Variants in SHOC2 observed in about 807,000 individuals in gnomAD.
SHOC2 encodes SHOC2 leucine rich repeat scaffold protein, also known as leucine-rich repeat protein SHOC-2.
A neutral mutation model predicts 50.2 loss-of-function variants in SHOC2; 4 were observed. The observed-to-expected ratio is 0.08, with a 90% CI of 0.04 to 0.18. SHOC2 has a LOEUF of 0.18. SHOC2 is among the 10% of genes least tolerant of loss of function. SHOC2 has a pLI of 1.00. For synonymous variants in SHOC2, 218 were observed against 244.5 expected (o/e 0.89, Z 1.01); for missense variants, 388 against 669.6 (o/e 0.58, Z 4.64).
At chr10:110,999,482 A>G (rs747113617) in intron 3 of SHOC2, among the ~76,000 whole-genome samples, 3 of 152,166 alleles carry the variant, frequency 2.0e-5, no homozygotes, top group Non-Finnish European at 4.4e-5. Flanking sequence ...TCACGTCTGT[A>G]ATCCCAGCAC....
chr10:110,927,996 G>A (rs763749571), intron 1 of SHOC2, among the ~76,000 whole-genome samples: 1 of 152,102 alleles, frequency 6.6e-6, no homozygotes, highest in South Asian at 2.1e-4. Context: ...AATACTTAAA[G>A]CTTTTAGTGA....
rs201795589 is a variant in SHOC2 at position 111,004,803 on chromosome 10, A to G, written c.1161+9A>G. 709 of 1,571,548 alleles carry G rather than the reference A, an allele frequency of 4.5e-4. 9 individuals are homozygous for G. In the South Asian group the frequency reaches 5.8e-3, roughly 13 times the overall value. ...GTAAGCTGAATATGAAGGTAAGCAT[A>G]TATTTGTTTACTAGGGAAAGGAATT... On this transcript the variant is annotated intron_variant, in intron 5 of 8. Transcript: ENST00000369452.
intron 2 of SHOC2, among the ~76,000 whole-genome samples, chr10:110,979,861 T>G (rs894935992): frequency 8.2e-5 from 11 of 133,990 alleles, no homozygotes; most frequent in Admixed American, 1.6e-4. Flanking sequence ...CAACCCAAGC[T>G]CAGTATCTTC....
At position 110,928,851 on chromosome 10, in the gene SHOC2, T is replaced by G. The variant is rs377229748; in HGVS notation, c.-235+9194T>G. On this transcript the variant is annotated intron_variant, in intron 1 of 8. Transcript: ENST00000369452. ...TGGAGGTTGCAGTGAGCCTAGATCT[T>G]GCCACTGTACTCCAGCCTGGGGAAC... Among the ~76,000 whole-genome samples, 486 of 152,110 alleles carry G rather than the reference T, an allele frequency of 3.2e-3. 26 individuals are homozygous for G. The South Asian group carries it at 0.093, about 29-fold the overall frequency.
intron 1 of SHOC2, among the ~76,000 whole-genome samples, chr10:110,920,413 T>C (rs1846608596): frequency 6.6e-6 from 1 of 152,066 alleles, no homozygotes; most frequent in South Asian, 2.1e-4. Context: ...GGCAAGACGA[T>C]TTTTCCCCCA....
chr10:111,003,619 T>TAA (rs1468362232), intron 4 of SHOC2, among the ~76,000 whole-genome samples: 4 of 152,180 alleles, frequency 2.6e-5, no homozygotes, highest in Admixed American at 2.6e-4. Flanking sequence ...TATTTAAAGA[T>TAA]AGAGTCAGGA....
chr10:110,975,996 T>C (rs1176084026), intron 2 of SHOC2, among the ~76,000 whole-genome samples: 2 of 152,062 alleles, frequency 1.3e-5, no homozygotes, highest in Non-Finnish European at 2.9e-5. Flanking sequence ...TTGCAACCTC[T>C]GCCTCACGGG....
chr10:110,986,684 C>T (rs990651729), intron 3 of SHOC2, among the ~76,000 whole-genome samples: 2 of 152,114 alleles, frequency 1.3e-5, no homozygotes, highest in African/African-American at 4.8e-5. Context: ...CTATGTTGGC[C>T]AGGCTGGTCT....
At chr10:110,973,593 A>G (rs1847822661) in intron 2 of SHOC2, among the ~76,000 whole-genome samples, 1 of 151,994 alleles carries the variant, frequency 6.6e-6, no homozygotes. Context: ...TTTATATTCT[A>G]GAAGGGTTTG....
chr10:111,001,455 A>G (rs1848373585), intron 4 of SHOC2, among the ~76,000 whole-genome samples: 1 of 152,044 alleles, frequency 6.6e-6, no homozygotes, highest in Non-Finnish European at 1.5e-5. Context: ...ACAGCCAGCC[A>G]ATATAATACT....
chr10:110,946,013 A>G (rs1590790160), intron 1 of SHOC2, among the ~76,000 whole-genome samples: 1 of 151,878 alleles, frequency 6.6e-6, no homozygotes, highest in Admixed American at 6.6e-5. Flanking sequence ...TCCTGTTCTA[A>G]CTGATACCCT....
chr10:110,942,634 G>T (rs1847169792), intron 1 of SHOC2, among the ~76,000 whole-genome samples: 1 of 152,102 alleles, frequency 6.6e-6, no homozygotes, highest in Admixed American at 6.6e-5. Context: ...TCCATACCAG[G>T]CTACCTCTCT....
chr10:110,967,892 T>C (rs774367680), intron 2 of SHOC2, among the ~76,000 whole-genome samples: 35 of 152,194 alleles, frequency 2.3e-4, no homozygotes, highest in Non-Finnish European at 2.4e-4. Flanking sequence ...ATTTGGGTTG[T>C]TTTTGCTTTC....
At chr10:110,937,141 C>T (rs1325025586) in intron 1 of SHOC2, 1 of 1,503,674 alleles carries the variant, frequency 6.7e-7, no homozygotes, top group Non-Finnish European at 9.3e-7. Flanking sequence ...CCACCACCTT[C>T]CGGCCCAGCA....
At position 110,964,621 on chromosome 10, in the gene SHOC2, C is replaced by T; in HGVS notation, c.263C>T (p.Ala88Val). The change falls in exon 2 of 9, where the codon GCA (alanine) becomes GTA (valine). Residue 88 changes from alanine to valine, a missense_variant. Ala to Val is a moderately conservative substitution (Grantham distance 64). Around this residue, in one of 5 missense-constraint regions of SHOC2, gnomAD observed 121 missense variants for 145.5 expected, o/e 0.83. Coordinates refer to ENST00000369452, the MANE Select transcript of SHOC2 (RefSeq NM_007373.4). The surrounding 1 kb of genome is among the most constrained non-coding windows in gnomAD (Gnocchi z 4.9). ...APGTRKKSSN[A>V]EVIKELNKCR... ...GGGACTAGAAAAAAATCCAGCAATG[C>T]AGAGGTGATTAAAGAGCTCAACAAA... The T allele has an allele frequency of 6.2e-7, 1 of 1,614,062 alleles. No homozygotes were observed. The highest frequency in any genetic ancestry group is 8.5e-7 in the Non-Finnish European group (1 of 1,179,972).
chr10:111,001,198 C>G (rs797003504), intron 4 of SHOC2, among the ~76,000 whole-genome samples: 22 of 140,392 alleles, frequency 1.6e-4, no homozygotes, highest in African/African-American at 5.0e-4. Flanking sequence ...GCTCTTGTTG[C>G]CCAGGCTGGA....
At chr10:110,962,683 G>A (rs760585581) in intron 1 of SHOC2, among the ~76,000 whole-genome samples, 13 of 152,034 alleles carry the variant, frequency 8.6e-5, no homozygotes, top group Non-Finnish European at 1.6e-4. Flanking sequence ...TCAGTGTCCC[G>A]TGCAAACTAA....
chr10:110,973,209 A>G (rs2134132251), intron 2 of SHOC2, among the ~76,000 whole-genome samples: 1 of 152,274 alleles, frequency 6.6e-6, no homozygotes, highest in South Asian at 2.1e-4. Context: ...TTTTAATAAG[A>G]TTTGCTCTGA....
chr10:111,004,829 G>C, intron 5 of SHOC2, 35 bp downstream of exon 5: 2 of 1,411,224 alleles, frequency 1.4e-6, no homozygotes, highest in South Asian at 2.3e-5. Context: ...GAAAGGAATT[G>C]CTTTAATTGG....
Sources: allele counts gnomAD v4.1 joint callset (sites outside exome capture counted in the v4.1 genomes callset), GRCh38; gene constraint gnomAD v4.1.1; regional missense constraint gnomAD v4.1.1; non-coding constraint Gnocchi (gnomAD v3.1); transcripts MANE v1.5; gene names NCBI Gene and HGNC (gene_info 2026-07-23, HGNC 2026-07-21).